Variants in MYRIP observed in about 807,000 individuals in gnomAD.
MYRIP encodes the protein myosin VIIA and Rab interacting protein.
Under a neutral mutation model 98.0 loss-of-function variants are expected in MYRIP, and 49 were observed. The ratio of observed to expected loss-of-function variants is 0.50; its 90% confidence interval spans 0.40 to 0.63. The LOEUF (loss-of-function observed/expected upper bound fraction) is 0.63, where lower values mean the gene tolerates loss of function less well. MYRIP is among the 30% of genes least tolerant of loss of function. The pLI, the probability that MYRIP is intolerant of heterozygous loss-of-function variation, is 0.00. For missense variants in MYRIP, 1,004 were observed against 1,058.2 expected (o/e 0.95, Z 0.71); for synonymous variants, 404 against 409.5 (o/e 0.99, Z 0.16).
intron 2 of MYRIP, among the ~76,000 whole-genome samples, chr3:39,998,499 C>A (rs1260389753): frequency 3.3e-5 from 5 of 152,150 alleles, no homozygotes; most frequent in Non-Finnish European, 4.4e-5. Context: ...TCAAGGAGAA[C>A]TACAAACCAC....
At chr3:40,185,669 G>C (rs1234153118) in intron 9 of MYRIP, among the ~76,000 whole-genome samples, 1 of 152,178 alleles carries the variant, frequency 6.6e-6, no homozygotes, top group African/African-American at 2.4e-5. Flanking sequence ...AGAGGCATGA[G>C]GCAACCTAGG....
At chr3:39,858,700 C>T (rs554469294) in intron 1 of MYRIP, among the ~76,000 whole-genome samples, 1 of 151,988 alleles carries the variant, frequency 6.6e-6, no homozygotes, top group East Asian at 1.9e-4. Context: ...TATTTTCTGA[C>T]CACAATGGTA....
chr3:39,918,247 A>C (rs1192942512), intron 2 of MYRIP, among the ~76,000 whole-genome samples: 1 of 152,214 alleles, frequency 6.6e-6, no homozygotes, highest in African/African-American at 2.4e-5. Flanking sequence ...TATATTCCCA[A>C]GGAGGCCAGC....
intron 12 of MYRIP, among the ~76,000 whole-genome samples, chr3:40,240,745 T>C (rs768518766): frequency 1.3e-5 from 2 of 152,074 alleles, no homozygotes; most frequent in Non-Finnish European, 2.9e-5. Context: ...CAGCACGCAA[T>C]GGGGGCTCAG....
At chr3:39,859,183 C>G (rs1428689038) in intron 1 of MYRIP, among the ~76,000 whole-genome samples, 1 of 149,320 alleles carries the variant, frequency 6.7e-6, no homozygotes, top group African/African-American at 2.4e-5. Flanking sequence ...AAATAAAACT[C>G]TAAATGAAAC....
chr3:39,810,222 C>G (rs1940624632), intron 1 of MYRIP, among the ~76,000 whole-genome samples: 2 of 152,236 alleles, frequency 1.3e-5, no homozygotes, highest in Admixed American at 6.5e-5. Context: ...CCCGGATGGC[C>G]ACGTAGTGCT....
chr3:39,961,011 A>G (rs1001858164), intron 2 of MYRIP, among the ~76,000 whole-genome samples: 6 of 152,134 alleles, frequency 3.9e-5, no homozygotes, highest in African/African-American at 1.2e-4. Flanking sequence ...CAATCTCTCA[A>G]CCACAGCAGT....
chr3:40,234,992 C>CA (rs34515561), intron 12 of MYRIP, among the ~76,000 whole-genome samples: 47,057 of 111,356 alleles, frequency 0.42, 9,436 homozygotes, highest in East Asian at 0.67. Flanking sequence ...GACCCTGTCT[C>CA]AAAAAAAAAA....
At chr3:39,970,302 A>G (rs569814932) in intron 2 of MYRIP, 2 of 152,276 alleles carry the variant, frequency 1.3e-5, no homozygotes, top group South Asian at 2.1e-4. Flanking sequence ...AGCATTCAAT[A>G]TAATAACTGC....
chr3:40,180,237 ATTTC>A (rs1559437443), intron 8 of MYRIP, among the ~76,000 whole-genome samples: 1 of 152,068 alleles, frequency 6.6e-6, no homozygotes, highest in East Asian at 1.9e-4. Flanking sequence ...GATCCTTTTT[ATTTC>A]TTTCTCTTAC....
In MYRIP at chr3:40,176,810, G is replaced by A. The variant is rs187950928; in HGVS notation, c.874-5410G>A. On this transcript the variant is annotated intron_variant, in intron 8 of 16. Coordinates refer to ENST00000302541, the MANE Select transcript of MYRIP (RefSeq NM_015460.4). ...TGTAATCCCAGCTACTAGGGAGGCCGAGGCAGGAGAATTGCTTGAACCCAG... is the reference window on the plus strand; with the variant it reads ...TGTAATCCCAGCTACTAGGGAGGCCAAGGCAGGAGAATTGCTTGAACCCAG... Among the ~76,000 whole-genome samples, 46 of 151,242 alleles carry A rather than the reference G, an allele frequency of 3.0e-4. No homozygotes were observed. In the South Asian group the frequency reaches 6.3e-3, roughly 21 times the overall value.
At chr3:40,182,726 G>C (rs1950917343) in intron 9 of MYRIP, among the ~76,000 whole-genome samples, 1 of 152,196 alleles carries the variant, frequency 6.6e-6, no homozygotes, top group South Asian at 2.1e-4. Context: ...ATGTGGACTA[G>C]GAGAATGTGT....
At chr3:40,108,174 T>TGAGAGAGAGAGAGA (rs72224557) in intron 3 of MYRIP, among the ~76,000 whole-genome samples, 3 of 138,308 alleles carry the variant, frequency 2.2e-5, no homozygotes, top group African/African-American at 8.0e-5. Context: ...GCAGTGTTTG[T>TGAGAGAGAGAGAGA]GAGAGAGAGA....
intron 3 of MYRIP, among the ~76,000 whole-genome samples, chr3:40,086,552 C>T (rs931746292): frequency 3.3e-4 from 50 of 152,290 alleles, no homozygotes; most frequent in African/African-American, 1.1e-3. Flanking sequence ...TCAGGACATG[C>T]GGTGTGAGCT....
intron 7 of MYRIP, 56 bp from the exon 8 acceptor site, chr3:40,169,894 A>G: frequency 1.9e-6 from 3 of 1,610,564 alleles, no homozygotes; most frequent in Non-Finnish European, 2.5e-6. Flanking sequence ...GTTACTCCAC[A>G]TAGCATCAGG....
intron 2 of MYRIP, among the ~76,000 whole-genome samples, chr3:40,006,520 G>A (rs1946640048): frequency 6.6e-6 from 1 of 152,150 alleles, no homozygotes; most frequent in Non-Finnish European, 1.5e-5. Flanking sequence ...ATGGACTATG[G>A]CAGGTCAGGG....
chr3:39,852,754 T>C (rs541087323), intron 1 of MYRIP, among the ~76,000 whole-genome samples: 1 of 135,666 alleles, frequency 7.4e-6, no homozygotes, highest in Non-Finnish European at 1.6e-5. Context: ...TCTCTTCTCT[T>C]CTGTTCTCCT....
At chr3:39,857,299 C>T (rs569832503) in intron 1 of MYRIP, among the ~76,000 whole-genome samples, 4 of 115,226 alleles carry the variant, frequency 3.5e-5, no homozygotes, top group Non-Finnish European at 7.3e-5. Flanking sequence ...ATCTATGAAC[C>T]GATTGACAAA....
chr3:40,166,969 TG>T, intron 6 of MYRIP, 26 bp downstream of exon 6: 3 of 1,559,948 alleles, frequency 1.9e-6, no homozygotes, highest in East Asian at 2.2e-5. Context: ...CTCCTCTCTG[TG>T]GGGGGAGGTG....
Sources: gnomAD v4.1 joint callset for allele counts (sites outside exome capture counted in the v4.1 genomes callset) on GRCh38, gnomAD v4.1.1 for gene constraint, MANE v1.5 for transcripts, NCBI Gene and HGNC (gene_info 2026-07-23, HGNC 2026-07-21) for gene names.